LRP1B: variants seen among roughly 807,000 people sequenced by gnomAD.
LRP1B encodes the protein low-density lipoprotein receptor-related protein 1B.
Under a neutral mutation model 556.6 loss-of-function variants are expected in LRP1B, and 217 were observed. That is an observed-to-expected ratio of 0.39 (90% CI 0.35 to 0.44). The LOEUF (loss-of-function observed/expected upper bound fraction) is 0.44. LRP1B is among the 20% of genes least tolerant of loss of function. LRP1B has a pLI of 1.00. For synonymous variants in LRP1B, 2,047 were observed against 1,865.8 expected (o/e 1.10, Z -2.50); for missense variants, 5,053 against 5,620.8 (o/e 0.90, Z 3.23).
chr2:142,041,284 A>G (rs1380961036), intron 1 of LRP1B, among the ~76,000 whole-genome samples: 1 of 151,394 alleles, frequency 6.6e-6, no homozygotes, highest in African/African-American at 2.4e-5. Context: ...AAAAGCTTCA[A>G]GGAGCACATG....
chr2:141,070,429 A>G lies in LRP1B; in HGVS notation c.1014-8156T>C, dbSNP rs1162143886. Among the ~76,000 whole-genome samples, 4 of 151,878 alleles carry G rather than the reference A, an allele frequency of 2.6e-5. No individual in the cohort carries two copies. The East Asian group carries it at 5.8e-4, about 22-fold the overall frequency. ...AAAGATCCAAAATTGACACCCTAACATCACTATTAAAAGAACTAGAAAAGC... is the reference window on the plus strand; with the variant it reads ...AAAGATCCAAAATTGACACCCTAACGTCACTATTAAAAGAACTAGAAAAGC... On this transcript the variant is annotated intron_variant, in intron 7 of 90. Coordinates refer to ENST00000389484, the MANE Select transcript of LRP1B (RefSeq NM_018557.3).
rs925188407 is a variant in LRP1B at position 141,139,183 on chromosome 2, A to T, written c.1013+49238T>A. ...TAGATTCATGCCTTATACCATACACAACAATTAACTCGATATGAATCCTCT... is the reference window on the plus strand; with the variant it reads ...TAGATTCATGCCTTATACCATACACTACAATTAACTCGATATGAATCCTCT... On this transcript the variant is annotated intron_variant, in intron 7 of 90. Transcript: ENST00000389484. Among the ~76,000 whole-genome samples, 10 of 151,902 alleles carry T rather than the reference A, an allele frequency of 6.6e-5. No individual in the cohort carries two copies. In the East Asian group the frequency reaches 9.6e-4, roughly 15 times the overall value.
chr2:142,031,597 T>C (rs535167566), intron 1 of LRP1B, among the ~76,000 whole-genome samples: 8 of 149,020 alleles, frequency 5.4e-5, no homozygotes, highest in South Asian at 2.1e-4. Context: ...GAGAAAAAAA[T>C]GACATATTGT....
rs1434560532 is a variant in LRP1B, at chr2:141,908,546, A to G, written c.83-98145T>C. ...CATAGTAAAACTGGCTAACATGACA[A>G]TGACTAAAAGATGTGAAAGGGTGTC... On this transcript the variant is annotated intron_variant, in intron 1 of 90. Coordinates refer to ENST00000389484, the MANE Select transcript of LRP1B (RefSeq NM_018557.3). Among the ~76,000 whole-genome samples the G allele has an allele frequency of 8.5e-5, 13 of 152,058 alleles. 1 individual carries two copies. Among genetic ancestry groups the G allele is most frequent in the Admixed American group, 8.5e-4 (13 of 15,234 alleles).
At chr2:141,547,713 T>G (rs1486204458) in intron 2 of LRP1B, among the ~76,000 whole-genome samples, 1 of 152,154 alleles carries the variant, frequency 6.6e-6, no homozygotes, top group Admixed American at 6.6e-5. Context: ...ACCTTCCATG[T>G]AGCTGTACTT....
At chr2:141,680,378 T>C (rs904296637) in intron 2 of LRP1B, among the ~76,000 whole-genome samples, 6 of 152,068 alleles carry the variant, frequency 3.9e-5, no homozygotes, top group African/African-American at 9.7e-5. Context: ...TGTGCTAACA[T>C]AGACAAAGAA....
intron 2 of LRP1B, among the ~76,000 whole-genome samples, chr2:141,766,835 T>C (rs1243891983): frequency 2.0e-5 from 3 of 152,150 alleles, no homozygotes; most frequent in Non-Finnish European, 4.4e-5. Context: ...GCAACTACCA[T>C]GACAACAGGA....
intron 23 of LRP1B, among the ~76,000 whole-genome samples, chr2:140,888,960 C>CAAAAAAAAAAAAAAAAAAAAAAAA (rs35546727): frequency 1.3e-5 from 1 of 78,056 alleles, no homozygotes; most frequent in Non-Finnish European, 2.8e-5. Context: ...GAGTCTGTCT[C>CAAAAAAAAAAAAAAAAAAAAAAAA]AAAAAAAAAA....
intron 41 of LRP1B, among the ~76,000 whole-genome samples, chr2:140,637,556 T>A (rs906182407): frequency 6.6e-6 from 1 of 152,188 alleles, no homozygotes; most frequent in Non-Finnish European, 1.5e-5. Flanking sequence ...TCTGTATGAA[T>A]TTTGTTTTAG....
At chr2:140,573,330 G>T (rs1042314895) in intron 43 of LRP1B, among the ~76,000 whole-genome samples, 1 of 151,748 alleles carries the variant, frequency 6.6e-6, no homozygotes, top group African/African-American at 2.4e-5. Context: ...GGGTAAAAAT[G>T]AAGGATCAGA....
At chr2:140,839,176 G>A (rs1692016920) in intron 31 of LRP1B, among the ~76,000 whole-genome samples, 1 of 152,092 alleles carries the variant, frequency 6.6e-6, no homozygotes, top group Admixed American at 6.5e-5. Flanking sequence ...TTTCACCAGT[G>A]AAAATAAGAG....
intron 1 of LRP1B, among the ~76,000 whole-genome samples, chr2:141,843,585 G>A (rs1368327280): frequency 2.0e-5 from 3 of 152,110 alleles, no homozygotes; most frequent in African/African-American, 4.8e-5. Flanking sequence ...AGATAAAAAC[G>A]TATGCCTAGC....
At chr2:141,699,578 T>C (rs1691861791) in intron 2 of LRP1B, among the ~76,000 whole-genome samples, 1 of 151,600 alleles carries the variant, frequency 6.6e-6, no homozygotes, top group Non-Finnish European at 1.5e-5. Context: ...TTTTTATATT[T>C]AACCTGTACC....
intron 1 of LRP1B, among the ~76,000 whole-genome samples, chr2:141,908,305 T>G (rs995278424): frequency 6.6e-6 from 1 of 152,092 alleles, no homozygotes; most frequent in Admixed American, 6.6e-5. Flanking sequence ...TACACTTAAA[T>G]GCTTAATAAG....
chr2:140,344,546 G>A (rs1320992225), intron 77 of LRP1B, among the ~76,000 whole-genome samples: 1 of 151,750 alleles, frequency 6.6e-6, no homozygotes, highest in East Asian at 1.9e-4. Flanking sequence ...ATGACAGAAG[G>A]AAAGGAATCA....
intron 35 of LRP1B, among the ~76,000 whole-genome samples, chr2:140,734,749 C>CAGATAGTAACGG (rs1687890335): frequency 1.3e-5 from 2 of 152,060 alleles, no homozygotes; most frequent in African/African-American, 4.8e-5. Flanking sequence ...CTGTGTGAAG[C>CAGATAGTAACGG]AGATACTAAC....
intron 82 of LRP1B, among the ~76,000 whole-genome samples, chr2:140,321,295 T>C (rs778773710): frequency 2.6e-5 from 4 of 152,000 alleles, no homozygotes; most frequent in Non-Finnish European, 5.9e-5. Context: ...CAATTTTTAT[T>C]GATTATTCCA....
chr2:141,827,632 T>C (rs1466785811), intron 1 of LRP1B, among the ~76,000 whole-genome samples: 1 of 152,172 alleles, frequency 6.6e-6, no homozygotes, highest in Non-Finnish European at 1.5e-5. Context: ...GCATCAACTT[T>C]GATGGGAAAT....
At chr2:141,275,316 T>C (rs1436106735) in intron 3 of LRP1B, among the ~76,000 whole-genome samples, 2 of 152,188 alleles carry the variant, frequency 1.3e-5, no homozygotes, top group East Asian at 3.8e-4. Flanking sequence ...TGGAAACATC[T>C]GTGTGGTAGG....
Sources: gnomAD v4.1 joint callset for allele counts (sites outside exome capture counted in the v4.1 genomes callset) on GRCh38, gnomAD v4.1.1 for gene constraint, MANE v1.5 for transcripts, NCBI Gene and HGNC (gene_info 2026-07-23, HGNC 2026-07-21) for gene names.